Variants in C2orf69 observed in about 807,000 individuals in gnomAD.
C2orf69 encodes the protein chromosome 2 open reading frame 69, also known as mitochondrial protein C2orf69.
A neutral mutation model predicts 29.5 loss-of-function variants in C2orf69; 19 were observed. The observed-to-expected ratio is 0.65, with a 90% CI of 0.45 to 0.95. C2orf69 has a LOEUF of 0.95. Ranked by LOEUF, C2orf69 falls within the 40% of genes least tolerant of loss-of-function variation. C2orf69 has a pLI of 0.00. For missense variants in C2orf69, 416 were observed against 482.1 expected, an observed-to-expected ratio of 0.86 and a Z score of 1.28; for synonymous variants, 194 against 180.0, an observed-to-expected ratio of 1.08 and a Z score of -0.62.
In C2orf69 at chr2:199,925,754, T is replaced by C; in HGVS notation, c.1026T>C (p.Ser342=). The part of the protein sequence containing the change: ...TPYQVRDPMR[S]WIGKEHKKFV... The stretch of plus-strand genomic sequence containing the variant: ...ACCAAGTACGTGATCCAATGAGATC[T>C]TGGATTGGAAAGGAGCACAAGAAAT... The change falls in exon 2 of 2, where the codon TCT becomes TCC. Residue 342 remains serine (S), a synonymous_variant. Transcript: ENST00000319974. The surrounding 1 kb of genome is among the most constrained non-coding windows in gnomAD (Gnocchi z 4.9). 1 of 1,613,928 alleles carries C rather than the reference T, an allele frequency of 6.2e-7. No homozygotes were observed. The highest frequency in any genetic ancestry group is 1.1e-5 in the South Asian group (1 of 91,084).
Position 199,911,592 on chromosome 2 carries a change from C to T in C2orf69, c.154C>T (p.Arg52Cys), listed in dbSNP as rs2077259624. Residue 52 changes from arginine to cysteine, a missense_variant, in exon 1 of 2, where the codon CGT becomes TGT. Coordinates refer to ENST00000319974, the MANE Select transcript of C2orf69 (RefSeq NM_153689.6). ...RCSLSAEVRR[R>C]QCLQLSTVPG... ...CTCCCTCTCGGCCGAGGTGCGCCGC[C>T]GTCAGTGCCTGCAGCTTTCCACCGT... 1.9e-6 allele frequency: 3 copies of T among 1,549,670 alleles called. No homozygotes were observed. The highest frequency in any genetic ancestry group is 2.6e-6 in the Non-Finnish European group (3 of 1,146,634).
intron 1 of C2orf69, among the ~76,000 whole-genome samples, chr2:199,924,840 C>A (rs2077329724): frequency 2.0e-5 from 3 of 151,968 alleles, no homozygotes; most frequent in African/African-American, 7.2e-5. Flanking sequence ...TAACTTACTT[C>A]CTTGTCTCTT....
intron 1 of C2orf69, 45 bp downstream of exon 1, chr2:199,911,816 T>A (rs2106636279): frequency 6.5e-7 from 1 of 1,535,824 alleles, no homozygotes; most frequent in African/African-American, 1.4e-5. Context: ...CTCTCGTGTA[T>A]ACGTACGCGG....
At position 199,913,528 on chromosome 2, in the gene C2orf69, A is replaced by ATTC. The variant is rs2077282530; in HGVS notation, c.333+1758_333+1759insTCT. Among the ~76,000 whole-genome samples the ATTC allele has an allele frequency of 3.2e-5, 4 of 123,756 alleles. No homozygotes were observed. The South Asian group carries it at 8.9e-4, about 28-fold the overall frequency. The allele number at this position is 123,756 out of a possible 152,430, so 81.2% of individuals were successfully genotyped here. ...ATATATATTATACTATATATAAAAT[A>ATTC]TACTATATAATATATATAAAATATA... is the stretch of plus-strand genomic sequence containing the variant. On this transcript the variant is annotated intron_variant, in intron 1 of 1. Coordinates refer to ENST00000319974, the MANE Select transcript of C2orf69 (RefSeq NM_153689.6).
chr2:199,917,345 A>G (rs982416953), intron 1 of C2orf69, among the ~76,000 whole-genome samples: 5 of 152,176 alleles, frequency 3.3e-5, no homozygotes, highest in South Asian at 2.1e-4. Context: ...GCTCCTCGTT[A>G]CTTATGCAAG....
intron 1 of C2orf69, among the ~76,000 whole-genome samples, chr2:199,921,526 G>A (rs1359025111): frequency 6.6e-6 from 1 of 152,104 alleles, no homozygotes; most frequent in East Asian, 1.9e-4. Context: ...TAGTAGCGAG[G>A]ATTTTAAAAA....
chr2:199,913,154 A>G, intron 1 of C2orf69, among the ~76,000 whole-genome samples: 1 of 120,558 alleles, frequency 8.3e-6, no homozygotes, highest in Non-Finnish European at 1.6e-5. Context: ...AATAATATAT[A>G]TTATTTTATA....
At chr2:199,918,447 C>T (rs577724940) in intron 1 of C2orf69, among the ~76,000 whole-genome samples, 14 of 152,226 alleles carry the variant, frequency 9.2e-5, no homozygotes, top group East Asian at 7.7e-4. Context: ...CTGCAACCTC[C>T]GTCTCCCGGG....
Position 199,911,669 on chromosome 2 carries a change from CG to C in C2orf69, c.235del (p.Glu79ArgfsTer39). On this transcript the variant is annotated frameshift_variant, in exon 1 of 2. Transcript: ENST00000319974. LOFTEE classifies it high-confidence loss of function. ...SNELLLLAAA[G>X]EGLERQDLPG... is the part of the protein sequence containing the mutation. ...ACGAATTGCTCCTGTTGGCGGCGGC[CG>C]GGGAGGGACTGGAGCGGCAGGACCT... 1 of 1,547,844 alleles carries C rather than the reference CG, an allele frequency of 6.5e-7. No homozygotes were observed.
At chr2:199,921,422 CAAAAG>C (rs1413232043) in intron 1 of C2orf69, among the ~76,000 whole-genome samples, 1 of 151,900 alleles carries the variant, frequency 6.6e-6, no homozygotes, top group African/African-American at 2.4e-5. Context: ...AGAAAATTAA[CAAAAG>C]AAAAATGAAA....
intron 1 of C2orf69, among the ~76,000 whole-genome samples, chr2:199,913,456 AT>A (rs2077281548): frequency 1.2e-5 from 1 of 83,276 alleles, no homozygotes; most frequent in Non-Finnish European, 2.1e-5. Flanking sequence ...TATATATTCT[AT>A]TATATAAAAT....
chr2:199,911,656 T>G lies in C2orf69; in HGVS notation c.218T>G (p.Leu73Arg). 1 of 1,548,992 alleles carries G rather than the reference T, an allele frequency of 6.5e-7. No individual in the cohort carries two copies. ...ADPQRSNELL[L>R]LAAAGEGLER... ...CCGCAGCGCAGCAACGAATTGCTCC[T>G]GTTGGCGGCGGCCGGGGAGGGACTG... Residue 73 changes from leucine (L) to arginine (R), a missense_variant, in exon 1 of 2, where the codon CTG becomes CGG. This residue lies in a region of C2orf69 where 175 missense variants were observed against 139.9 expected (regional missense o/e 1.25). Coordinates refer to ENST00000319974, the MANE Select transcript of C2orf69 (RefSeq NM_153689.6).
Position 199,911,782 on chromosome 2 carries a change from GCCTGCCTGGGTATCTGTT to G in C2orf69, c.333+15_333+32del. On this transcript the variant is annotated intron_variant, in intron 1 of 1. Transcript: ENST00000319974. ...CCTGGGGATGTGCAGGTAACTCGGG[GCCTGCCTGGGTATCTGTT>G]CCTTCCTCTCGTGTATACGTACGCG... is the stretch of plus-strand genomic sequence containing the variant. 1 of 1,537,514 alleles carries G rather than the reference GCCTGCCTGGGTATCTGTT, an allele frequency of 6.5e-7. No individual in the cohort carries two copies. The highest frequency in any genetic ancestry group is 8.7e-7 in the Non-Finnish European group (1 of 1,146,866).
At chr2:199,918,384 C>T (rs1009694591) in intron 1 of C2orf69, among the ~76,000 whole-genome samples, 2 of 151,984 alleles carry the variant, frequency 1.3e-5, no homozygotes, top group East Asian at 1.9e-4. Context: ...TATTTTCAGA[C>T]GGAGTCTTGC....
At chr2:199,917,521 C>T (rs982495642) in intron 1 of C2orf69, among the ~76,000 whole-genome samples, 4 of 152,154 alleles carry the variant, frequency 2.6e-5, no homozygotes, top group African/African-American at 7.2e-5. Flanking sequence ...ATCTCTGGGG[C>T]AGGGGCAGAA....
intron 1 of C2orf69, among the ~76,000 whole-genome samples, chr2:199,919,911 A>C (rs1008762460): frequency 6.6e-5 from 10 of 152,194 alleles, no homozygotes; most frequent in Non-Finnish European, 1.3e-4. Flanking sequence ...ACATGTCAAG[A>C]TTTCCTAAAA....
intron 1 of C2orf69, among the ~76,000 whole-genome samples, chr2:199,922,712 T>C (rs370320634): frequency 6.4e-4 from 97 of 152,312 alleles, no homozygotes; most frequent in African/African-American, 2.1e-3. Context: ...CTGTTGACTC[T>C]AACTCCAAAA....
At chr2:199,916,296 C>T (rs2077292586) in intron 1 of C2orf69, among the ~76,000 whole-genome samples, 1 of 152,050 alleles carries the variant, frequency 6.6e-6, no homozygotes, top group African/African-American at 2.4e-5. Flanking sequence ...AGTTACCTCC[C>T]ACTGGGTCCC....
intron 1 of C2orf69, among the ~76,000 whole-genome samples, chr2:199,916,491 C>CT (rs1279728567): frequency 6.6e-6 from 1 of 152,176 alleles, no homozygotes; most frequent in African/African-American, 2.4e-5. Context: ...ACTCAAAAGT[C>CT]TAAGTCCAAG....
Sources: gnomAD v4.1 joint callset for allele counts (sites outside exome capture counted in the v4.1 genomes callset) on GRCh38, gnomAD v4.1.1 for gene constraint, gnomAD v4.1.1 regional missense constraint, Gnocchi (gnomAD v3.1) non-coding constraint, MANE v1.5 for transcripts, NCBI Gene and HGNC (gene_info 2026-07-23, HGNC 2026-07-21) for gene names.